Variants in FBXO24 observed in about 807,000 individuals in gnomAD.
FBXO24 encodes the protein F-box protein 24.
Under a neutral mutation model 63.5 loss-of-function variants are expected in FBXO24, and 30 were observed. The ratio of observed to expected loss-of-function variants is 0.47; its 90% CI spans 0.35 to 0.64. The LOEUF is 0.64. Among genes scored for constraint, FBXO24 ranks in the 30% least tolerant of loss-of-function variants. The pLI, the probability that FBXO24 is intolerant of heterozygous loss-of-function variation, is 0.00. For synonymous variants in FBXO24, 300 were observed against 305.0 expected (o/e 0.98, Z 0.17); for missense variants, 624 against 763.4 (o/e 0.82, Z 2.15).
At position 100,600,895 on chromosome 7, in the gene FBXO24, C is replaced by G; in HGVS notation, c.1739C>G (p.Thr580Ser). 2 of 1,611,806 alleles carry G rather than the reference C, an allele frequency of 1.2e-6. No individual in the cohort carries two copies. The highest frequency in any genetic ancestry group is 2.7e-5 in the African/African-American group (2 of 75,000). Residue 580 changes from threonine to serine, a missense_variant, in exon 10 of 10, where the codon ACC becomes AGC. By Grantham distance (58) the Thr-to-Ser change is moderately conservative. Transcript: ENST00000241071. The surrounding 1 kb of genome is among the most constrained non-coding windows in gnomAD (Gnocchi z 6.3). ...GGGVGPPAPET is the reference protein window; with the variant it reads ...GGGVGPPAPES The stretch of plus-strand genomic sequence containing the variant: ...GGTGTAGGGCCCCCAGCCCCTGAGA[C>G]CTAATCCCCCTCATGCTAGCCTAGT...
chr7:100,588,997 GTT>G (rs543109579), intron 1 of FBXO24, among the ~76,000 whole-genome samples: 47 of 143,200 alleles, frequency 3.3e-4, no homozygotes, highest in African/African-American at 9.4e-4. Flanking sequence ...TAATTTTTAA[GTT>G]TTTTTTTTTT....
At position 100,589,978 on chromosome 7, in the gene FBXO24, T is replaced by G. The variant is rs776762431; in HGVS notation, c.41T>G (p.Val14Gly). Residue 14 changes from valine to glycine, a missense_variant and splice_region_variant, in exon 2 of 10, where the codon GTG (valine) becomes GGG (glycine). By Grantham distance (109) the Val-to-Gly change is moderately radical. Around this residue, in one of 3 missense-constraint regions of FBXO24, gnomAD observed 391 missense variants for 469.1 expected, o/e 0.83. Coordinates refer to ENST00000241071, the MANE Select transcript of FBXO24 (RefSeq NM_033506.3). The stretch of plus-strand genomic sequence containing the variant: ...CCCTATGCACCCCTTCTTGGGTAGG[T>G]GAAGAGAAGCTGCCCTTCTTGTGGC... Reference protein sequence around the residue: ...KAVPLLRRRRVKRSCPSCGSE... With the variant: ...KAVPLLRRRRGKRSCPSCGSE... 4 of 1,612,266 alleles carry G rather than the reference T, an allele frequency of 2.5e-6. No individual in the cohort carries two copies. The African/African-American group carries it at 5.4e-5, about 22-fold the overall frequency.
rs1802529784 is a variant in FBXO24, at chr7:100,600,306, A to G, written c.1377+105A>G. The G allele has an allele frequency of 1.4e-6, 2 of 1,381,404 alleles. No homozygotes were observed. Among genetic ancestry groups the G allele is most frequent in the African/African-American group, 1.5e-5 (1 of 68,266 alleles). 85.6% of individuals were successfully genotyped at this position (1,381,404 alleles called of 1,614,324 possible). Reference sequence around the variant, plus strand: ...CTCCTGCAGGGACCCAGGGGGTCCCATTTCCCTAGCACCACCCCACCTCCC... The same window carrying G: ...CTCCTGCAGGGACCCAGGGGGTCCCGTTTCCCTAGCACCACCCCACCTCCC... On this transcript the variant is annotated intron_variant, in intron 9 of 9. Coordinates refer to ENST00000241071, the MANE Select transcript of FBXO24 (RefSeq NM_033506.3). This position sits in a 1 kb window ranked among gnomAD's most constrained non-coding sequence, Gnocchi z 6.3.
chr7:100,589,665 C>G (rs878995394), intron 1 of FBXO24: 1 of 1,505,748 alleles, frequency 6.6e-7, no homozygotes, highest in Admixed American at 2.2e-5. Flanking sequence ...CCAGCAGGAA[C>G]GGGGGGGCCA....
At chr7:100,597,511 C>T (rs1379136693) in intron 8 of FBXO24, among the ~76,000 whole-genome samples, 2 of 151,966 alleles carry the variant, frequency 1.3e-5, no homozygotes, top group Non-Finnish European at 2.9e-5. Context: ...GATTCTCCTG[C>T]CTCAGCCTGC....
intron 3 of FBXO24, 145 bp downstream of exon 3, chr7:100,590,502 T>C: frequency 1.2e-6 from 1 of 830,010 alleles, no homozygotes; most frequent in Non-Finnish European, 1.8e-6. Flanking sequence ...AGTTCAAACA[T>C]TCTCCCTTGA....
chr7:100,591,658 T>C lies in FBXO24; in HGVS notation c.323-9T>C, dbSNP rs1584423108. 6.2e-7 allele frequency: 1 copy of C among 1,613,558 alleles called. No individual in the cohort carries two copies. The highest frequency in any genetic ancestry group is 1.1e-5 in the South Asian group (1 of 91,082). On this transcript the variant is annotated splice_polypyrimidine_tract_variant and intron_variant, in intron 3 of 9. Coordinates refer to ENST00000241071, the MANE Select transcript of FBXO24 (RefSeq NM_033506.3). ...TCCCTTGAACCTTCCATCTCCTTCC[T>C]TCCTCCAGACACGAAGGGCCTGTAT...
Position 100,590,052 on chromosome 7 carries a change from A to T in FBXO24, c.115A>T (p.Ile39Phe), listed in dbSNP as rs574565206. ...GAGGGGGAAAGGAAATCCGATTTCCATCCAGTTGTTCCCCCCAGAGCTGGT... is the reference window on the plus strand; with the variant it reads ...GAGGGGGAAAGGAAATCCGATTTCCTTCCAGTTGTTCCCCCCAGAGCTGGT... ...EKRGKGNPISIQLFPPELVEH... is the reference protein window; with the variant it reads ...EKRGKGNPISFQLFPPELVEH... Residue 39 changes from isoleucine (I) to phenylalanine (F), a missense_variant, in exon 2 of 10, where the codon ATC (isoleucine) becomes TTC (phenylalanine). By Grantham distance (21) the Ile-to-Phe change is conservative (BLOSUM62 0). Coordinates refer to ENST00000241071, the MANE Select transcript of FBXO24 (RefSeq NM_033506.3). The T allele has an allele frequency of 6.2e-7, 1 of 1,613,584 alleles. No homozygotes were observed. The highest frequency in any genetic ancestry group is 1.1e-5 in the South Asian group (1 of 90,986).
chr7:100,594,539 C>A lies in FBXO24; in HGVS notation c.950C>A (p.Thr317Lys). Residue 317 changes from threonine to lysine, a missense_variant and splice_region_variant, in exon 6 of 10, where the codon ACA (threonine) becomes AAA (lysine). By Grantham distance (78) the Thr-to-Lys change is moderately conservative. Around this residue, in one of 3 missense-constraint regions of FBXO24, gnomAD observed 391 missense variants for 469.1 expected, o/e 0.83. Coordinates refer to ENST00000241071, the MANE Select transcript of FBXO24 (RefSeq NM_033506.3). This position sits in a 1 kb window ranked among gnomAD's most constrained non-coding sequence, Gnocchi z 4.2. ...AACCAGAGCAGCACCCTCTACGTCA[C>A]AGGTATGGACCACCTCCCCCCGGCT... ...TSNQSSTLYV[T>K]DQGGVYFEVH... 6.3e-7 allele frequency: 1 copy of A among 1,586,858 alleles called. No individual in the cohort carries two copies. The highest frequency in any genetic ancestry group is 8.6e-7 in the Non-Finnish European group (1 of 1,163,712).
In FBXO24 at chr7:100,594,692, T is replaced by C. The variant is rs1802218224; in HGVS notation, c.952+151T>C. 2 of 939,596 alleles carry C rather than the reference T, an allele frequency of 2.1e-6. No homozygotes were observed. Among genetic ancestry groups the C allele is most frequent in the Non-Finnish European group, 3.0e-6 (2 of 667,998 alleles). The allele number at this position is 939,596 out of a possible 1,614,324, so 58.2% of individuals were successfully genotyped here. ...TAGGGCCGGCATGGTGACTCATGCC[T>C]GTAATCCCATCACTTTGGGAAACCG... On this transcript the variant is annotated intron_variant, in intron 6 of 9. Coordinates refer to ENST00000241071, the MANE Select transcript of FBXO24 (RefSeq NM_033506.3). This position sits in a 1 kb window ranked among gnomAD's most constrained non-coding sequence, Gnocchi z 4.2.
In FBXO24 at chr7:100,600,806, C is replaced by T. The variant is rs146648391; in HGVS notation, c.1650C>T (p.Ala550=). 2.0e-5 allele frequency: 33 copies of T among 1,614,032 alleles called. No homozygotes were observed. The highest frequency in any genetic ancestry group is 1.7e-4 in the African/African-American group (13 of 74,916). The change falls in exon 10 of 10, where the codon GCC becomes GCT. Residue 550 remains alanine (A), a synonymous_variant. Coordinates refer to ENST00000241071, the MANE Select transcript of FBXO24 (RefSeq NM_033506.3). The surrounding 1 kb of genome is among the most constrained non-coding windows in gnomAD (Gnocchi z 6.3). ...KEIVGWMPLM[A]AQKDFFWEAL... is the part of the protein sequence containing the mutation. Reference sequence around the variant, plus strand: ...TCGTAGGGTGGATGCCCCTGATGGCCGCACAGAAGGACTTCTTCTGGGAGG... The same window carrying T: ...TCGTAGGGTGGATGCCCCTGATGGCTGCACAGAAGGACTTCTTCTGGGAGG...
intron 5 of FBXO24, among the ~76,000 whole-genome samples, chr7:100,593,885 A>G (rs183057666): frequency 1.5e-4 from 23 of 151,702 alleles, no homozygotes; most frequent in African/African-American, 4.1e-4. Flanking sequence ...TACTTTCCCA[A>G]TGTCCTTTAT....
At position 100,592,899 on chromosome 7, in the gene FBXO24, G is replaced by A. The variant is rs1182077299; in HGVS notation, c.675G>A (p.Glu225=). 1 of 1,614,088 alleles carries A rather than the reference G, an allele frequency of 6.2e-7. No individual in the cohort carries two copies. The highest frequency in any genetic ancestry group is 2.2e-5 in the East Asian group (1 of 44,896). ...GCAGCCGGGCCTGTGACTGTGTTGA[G>A]GTCTATCTGCAGTCTAGTGGGCAGC... ...TTSSRACDCV[E]VYLQSSGQRV... The change falls in exon 5 of 10, where the codon GAG becomes GAA. Residue 225 remains glutamate, a synonymous_variant. Transcript: ENST00000241071.
rs773777270 is a variant in FBXO24, at chr7:100,601,038, AGGGGGCTGCCCAGGAGG to A, written c.*142_*158del. On this transcript the variant is annotated 3_prime_UTR_variant, in exon 10 of 10. Transcript: ENST00000241071. ...ACGGCTAACCAGGGTAAGAATGTTCAGGGGGCTGCCCAGGAGGGGCCCCCAACCTGACTATCATGGAC... is the reference window on the plus strand; with the variant it reads ...ACGGCTAACCAGGGTAAGAATGTTCAGGCCCCCAACCTGACTATCATGGAC... 1.2e-3 allele frequency: 1,611 copies of A among 1,303,412 alleles called. 2 individuals carry two copies. The highest frequency in any genetic ancestry group is 1.3e-3 in the Non-Finnish European group (1,302 of 971,202). 80.7% of individuals were successfully genotyped at this position (1,303,412 alleles called of 1,614,324 possible). A position where few individuals can be genotyped will look rare whatever the true frequency, so the allele number is the denominator to read the frequency against.
At position 100,594,296 on chromosome 7, in the gene FBXO24, C is replaced by A. The variant is rs928950302; in HGVS notation, c.794-87C>A. On this transcript the variant is annotated intron_variant, in intron 5 of 9. Transcript: ENST00000241071. This position sits in a 1 kb window ranked among gnomAD's most constrained non-coding sequence, Gnocchi z 4.2. The stretch of plus-strand genomic sequence containing the variant: ...CCCCACTCTAGGGCAGTAAATGTGT[C>A]ACCCATATGGCCTAGGGAGTCTCTT... 2.1e-6 allele frequency: 3 copies of A among 1,454,244 alleles called. No individual in the cohort carries two copies. The allele number at this position is 1,454,244 out of a possible 1,614,324, so 90.1% of individuals were successfully genotyped here.
At chr7:100,587,209 G>C (rs565665292) in intron 1 of FBXO24, among the ~76,000 whole-genome samples, 1 of 152,296 alleles carries the variant, frequency 6.6e-6, no homozygotes, top group South Asian at 2.1e-4. Flanking sequence ...TCCACGCACA[G>C]CCCTTTCCCG....
chr7:100,590,902 G>A (rs1210407621), intron 3 of FBXO24, among the ~76,000 whole-genome samples: 1 of 152,088 alleles, frequency 6.6e-6, no homozygotes, highest in Non-Finnish European at 1.5e-5. Flanking sequence ...ACACTCACTG[G>A]GAGATTAAAA....
At chr7:100,589,802 G>T in intron 1 of FBXO24, 175 bp from the exon 2 acceptor site, 1 of 1,520,740 alleles carries the variant, frequency 6.6e-7, no homozygotes, top group South Asian at 1.2e-5. Context: ...GGGTGAGGGG[G>T]ATTGGCCGCA....
In FBXO24 at chr7:100,600,968, A is replaced by G. The variant is rs1365427962; in HGVS notation, c.*69A>G. On this transcript the variant is annotated 3_prime_UTR_variant, in exon 10 of 10. Coordinates refer to ENST00000241071, the MANE Select transcript of FBXO24 (RefSeq NM_033506.3). The surrounding 1 kb of genome is among the most constrained non-coding windows in gnomAD (Gnocchi z 6.3). ...CCAGGCCAGGGACTAAGGAGCAATG[A>G]CCATTGTGCACATGCGTGTGGGAAG... 3 of 1,546,930 alleles carry G rather than the reference A, an allele frequency of 1.9e-6. No homozygotes were observed. In the African/African-American group the frequency reaches 4.1e-5, roughly 21 times the overall value.
Sources: gnomAD v4.1 joint callset for allele counts (sites outside exome capture counted in the v4.1 genomes callset) on GRCh38, gnomAD v4.1.1 for gene constraint, gnomAD v4.1.1 regional missense constraint, Gnocchi (gnomAD v3.1) non-coding constraint, MANE v1.5 for transcripts, NCBI Gene and HGNC (gene_info 2026-07-23, HGNC 2026-07-21) for gene names.